Variants in CEP170 observed in about 807,000 individuals in gnomAD.
CEP170 encodes the protein centrosomal protein 170, also known as centrosomal protein of 170 kDa.
In CEP170, 21 loss-of-function variants were observed where a neutral mutation model predicts 151.9. That is an observed-to-expected ratio of 0.14 (90% CI 0.10 to 0.20). The LOEUF (loss-of-function observed/expected upper bound fraction) is 0.20, where lower values mean the gene tolerates loss of function less well. CEP170 is among the 10% of genes least tolerant of loss of function. CEP170 has a pLI of 1.00. For missense variants in CEP170, 964 were observed against 1,892.9 expected (o/e 0.51, Z 9.11); for synonymous variants, 356 against 648.8 (o/e 0.55, Z 6.86).
chr1:243,153,732 A>T (rs2057320925), intron 14 of CEP170, among the ~76,000 whole-genome samples: 1 of 152,184 alleles, frequency 6.6e-6, no homozygotes, highest in South Asian at 2.1e-4. Flanking sequence ...CTAGGAAAAA[A>T]AAACTGTGTG....
intron 7 of CEP170, among the ~76,000 whole-genome samples, chr1:243,193,796 A>C (rs2148787254): frequency 6.6e-6 from 1 of 151,994 alleles, no homozygotes; most frequent in East Asian, 1.9e-4. Context: ...GATAAATCTT[A>C]TCCCTAATCA....
chr1:243,150,022 T>C (rs924639052), intron 14 of CEP170, among the ~76,000 whole-genome samples: 7 of 152,136 alleles, frequency 4.6e-5, no homozygotes, highest in Non-Finnish European at 8.8e-5. Context: ...ATCAGTATTC[T>C]TTTTACTTGA....
intron 3 of CEP170, among the ~76,000 whole-genome samples, chr1:243,212,770 T>G (rs1004284284): frequency 3.3e-5 from 5 of 152,222 alleles, no homozygotes; most frequent in South Asian, 4.2e-4. Context: ...CTCAGGTGAT[T>G]TTCCTACCTC....
rs1428286589 is a variant in CEP170 at position 243,226,770 on chromosome 1, AC to A, written c.-41-1450del. On this transcript the variant is annotated intron_variant, in intron 1 of 19. Coordinates refer to ENST00000366542, the MANE Select transcript of CEP170 (RefSeq NM_014812.3). Reference sequence around the variant, plus strand: ...TTTGGGAGGCCGAGGCGGGCAGATCACCTGAGGTCAGGAGCTCAAGACCAGT... The same window carrying A: ...TTTGGGAGGCCGAGGCGGGCAGATCACTGAGGTCAGGAGCTCAAGACCAGT... Among the ~76,000 whole-genome samples, 6 of 152,246 alleles carry A rather than the reference AC, an allele frequency of 3.9e-5. No individual in the cohort carries two copies. The East Asian group carries it at 1.2e-3, about 29-fold the overall frequency.
chr1:243,154,445 A>T (rs2057379489), intron 14 of CEP170, among the ~76,000 whole-genome samples: 2 of 152,022 alleles, frequency 1.3e-5, no homozygotes, highest in South Asian at 4.2e-4. Flanking sequence ...AAATATCCAC[A>T]TTTCCTTCCA....
At chr1:243,150,338 A>G (rs1430720584) in intron 14 of CEP170, among the ~76,000 whole-genome samples, 4 of 152,134 alleles carry the variant, frequency 2.6e-5, no homozygotes, top group Non-Finnish European at 4.4e-5. Flanking sequence ...TTTAGTAGAG[A>G]TGGGGTTTCA....
At chr1:243,192,027 T>TA (rs2060338333) in intron 7 of CEP170, among the ~76,000 whole-genome samples, 1 of 152,216 alleles carries the variant, frequency 6.6e-6, no homozygotes, top group Non-Finnish European at 1.5e-5. Flanking sequence ...TGATTCCACT[T>TA]ACCATTCTTC....
chr1:243,142,755 T>G (rs1381688730), intron 14 of CEP170, among the ~76,000 whole-genome samples: 1 of 152,188 alleles, frequency 6.6e-6, no homozygotes. Flanking sequence ...CATTAATACA[T>G]CACAGGGGTC....
At chr1:243,242,419 C>T (rs2064941737) in intron 1 of CEP170, among the ~76,000 whole-genome samples, 1 of 151,962 alleles carries the variant, frequency 6.6e-6, no homozygotes, top group South Asian at 2.1e-4. Flanking sequence ...GGGGTTTCAC[C>T]GTGTTAGCCA....
chr1:243,159,163 G>A (rs891434105), intron 13 of CEP170, among the ~76,000 whole-genome samples: 1 of 152,150 alleles, frequency 6.6e-6, no homozygotes, highest in African/African-American at 2.4e-5. Flanking sequence ...TAAAATTGAG[G>A]AGGAAACTGG....
chr1:243,215,433 G>A (rs2062178404), intron 3 of CEP170, among the ~76,000 whole-genome samples: 1 of 152,148 alleles, frequency 6.6e-6, no homozygotes, highest in African/African-American at 2.4e-5. Context: ...ACAGCCCTGA[G>A]AAAGAGAATG....
intron 12 of CEP170, among the ~76,000 whole-genome samples, chr1:243,167,269 TA>T (rs758973878): frequency 6.6e-6 from 1 of 151,994 alleles, no homozygotes; most frequent in Non-Finnish European, 1.5e-5. Flanking sequence ...AACAACATTT[TA>T]AAAAAATCTA....
chr1:243,207,912 T>C (rs2061527959), intron 4 of CEP170, among the ~76,000 whole-genome samples: 1 of 151,434 alleles, frequency 6.6e-6, no homozygotes, highest in Non-Finnish European at 1.5e-5. Context: ...TAGAAAAAAG[T>C]TTAGAATAAA....
chr1:243,180,735 G>A (rs1339027), intron 10 of CEP170, among the ~76,000 whole-genome samples: 3 of 152,262 alleles, frequency 2.0e-5, no homozygotes, highest in East Asian at 1.9e-4. Flanking sequence ...GTCCAGATCC[G>A]CAGCACTGAC....
At chr1:243,198,854 A>T (rs1247823503) in intron 7 of CEP170, among the ~76,000 whole-genome samples, 2 of 151,468 alleles carry the variant, frequency 1.3e-5, no homozygotes, top group African/African-American at 4.9e-5. Context: ...CTTTATAAAG[A>T]TATTAAAATT....
intron 1 of CEP170, among the ~76,000 whole-genome samples, chr1:243,233,740 A>AT (rs1301310461): frequency 1.6e-5 from 2 of 124,844 alleles, no homozygotes; most frequent in African/African-American, 5.9e-5. Flanking sequence ...CTCAAAAAAA[A>AT]AATATATATA....
intron 1 of CEP170, chr1:243,254,587 TGGG>T (rs1425170698): frequency 6.6e-6 from 1 of 152,232 alleles, no homozygotes; most frequent in Non-Finnish European, 1.5e-5. Flanking sequence ...GCTGCTCCAA[TGGG>T]GGAAAAATCC....
intron 12 of CEP170, among the ~76,000 whole-genome samples, chr1:243,167,143 A>G (rs1398989210): frequency 6.6e-6 from 1 of 152,126 alleles, no homozygotes; most frequent in Non-Finnish European, 1.5e-5. Flanking sequence ...TTTATTTTCT[A>G]TATTTTCAAC....
At chr1:243,234,510 G>A (rs2064086977) in intron 1 of CEP170, among the ~76,000 whole-genome samples, 1 of 152,196 alleles carries the variant, frequency 6.6e-6, no homozygotes, top group Non-Finnish European at 1.5e-5. Context: ...ATCTGAACCA[G>A]CAGTAAAGCT....
Sources: allele counts gnomAD v4.1 joint callset (sites outside exome capture counted in the v4.1 genomes callset), GRCh38; gene constraint gnomAD v4.1.1; transcripts MANE v1.5; gene names NCBI Gene and HGNC (gene_info 2026-07-23, HGNC 2026-07-21).